The following EPB41L3 variants were observed in gnomAD, a reference collection of about 807,000 sequenced individuals.
EPB41L3 encodes band 4.1-like protein 3.
Under a neutral mutation model 127.1 loss-of-function variants are expected in EPB41L3, and 57 were observed. The ratio of observed to expected loss-of-function variants is 0.45; its 90% CI spans 0.36 to 0.56. The LOEUF is 0.56. Ranked by LOEUF, EPB41L3 falls within the 20% of genes least tolerant of loss-of-function variation. The probability of loss-of-function intolerance (pLI) is 0.00; values close to 1 mark genes in which losing one functional copy is unlikely to be tolerated. For synonymous variants in EPB41L3, 572 were observed against 549.5 expected (o/e 1.04, Z -0.57); for missense variants, 1,273 against 1,372.2 (o/e 0.93, Z 1.14).
At chr18:5,512,857 G>C (rs1230095394) in intron 1 of EPB41L3, among the ~76,000 whole-genome samples, 1 of 152,092 alleles carries the variant, frequency 6.6e-6, no homozygotes, top group African/African-American at 2.4e-5. Flanking sequence ...GTAGACTTAG[G>C]ATAAATCCTC....
intron 3 of EPB41L3, among the ~76,000 whole-genome samples, chr18:5,579,949 T>G (rs188975348): frequency 6.6e-6 from 1 of 152,282 alleles, no homozygotes; most frequent in East Asian, 1.9e-4. Flanking sequence ...TTTATCAACA[T>G]TTTAAAATAT....
intron 3 of EPB41L3, chr18:5,570,751 C>T (rs1048184476): frequency 2.0e-5 from 3 of 152,162 alleles, no homozygotes; most frequent in African/African-American, 7.2e-5. Context: ...ATCCCTCCCC[C>T]ACTCCCCATT....
rs1304562455 is a variant in EPB41L3, at chr18:5,603,139, T to C, written c.-306+9201A>G. ...TTAATACTTTGAAAGGGAGACTTAATGTCTTATTCATCAGGACTGTTATCA... is the reference window on the plus strand; with the variant it reads ...TTAATACTTTGAAAGGGAGACTTAACGTCTTATTCATCAGGACTGTTATCA... On this transcript the variant is annotated intron_variant, in intron 3 of 21. Transcript: ENST00000545076. Among the ~76,000 whole-genome samples the C allele has an allele frequency of 2.6e-5, 4 of 152,216 alleles. No individual in the cohort carries two copies. The East Asian group carries it at 5.8e-4, about 22-fold the overall frequency.
chr18:5,592,422 C>A (rs1019170004), intron 3 of EPB41L3, among the ~76,000 whole-genome samples: 3 of 152,190 alleles, frequency 2.0e-5, no homozygotes, highest in African/African-American at 7.2e-5. Flanking sequence ...GCCTTGGCTT[C>A]CCAAAGTGCT....
chr18:5,580,601 A>C (rs1034088655), intron 3 of EPB41L3, among the ~76,000 whole-genome samples: 1 of 152,170 alleles, frequency 6.6e-6, no homozygotes, highest in Non-Finnish European at 1.5e-5. Context: ...CATTAGTATC[A>C]ACACATATTC....
At chr18:5,567,665 G>GAA (rs2094224962) in intron 3 of EPB41L3, among the ~76,000 whole-genome samples, 1 of 152,018 alleles carries the variant, frequency 6.6e-6, no homozygotes, top group Admixed American at 6.6e-5. Flanking sequence ...AGGAAGGAAG[G>GAA]GAGGGGTTGC....
At chr18:5,398,872 G>T (rs545590823) in intron 16 of EPB41L3, 14 of 399,200 alleles carry the variant, frequency 3.5e-5, no homozygotes, top group Non-Finnish European at 6.2e-5. Flanking sequence ...GCCTTCTTGA[G>T]GTCATCTTCT....
At chr18:5,475,906 T>A (rs1415693627) in intron 3 of EPB41L3, among the ~76,000 whole-genome samples, 3 of 152,074 alleles carry the variant, frequency 2.0e-5, no homozygotes, top group African/African-American at 7.2e-5. Flanking sequence ...ACAGATTCAG[T>A]TTCAAGGAGA....
intron 3 of EPB41L3, among the ~76,000 whole-genome samples, chr18:5,469,433 C>T (rs917602944): frequency 6.6e-6 from 1 of 152,112 alleles, no homozygotes; most frequent in Non-Finnish European, 1.5e-5. Flanking sequence ...GTCTGCCCCG[C>T]CATAGCAGCC....
intron 6 of EPB41L3, among the ~76,000 whole-genome samples, chr18:5,434,903 C>G (rs72866876): frequency 0.14 from 20,578 of 152,184 alleles, 1,517 homozygotes; most frequent in Admixed American, 0.17. Flanking sequence ...CACTGTTATC[C>G]TAGGAGATGA....
Position 5,621,851 on chromosome 18 carries a change from AT to A in EPB41L3, c.-468+7070del, listed in dbSNP as rs1446018326. ...ATGATCAATGTAGATCACTTCAAGA[AT>A]AAAAAGTATAAATTAATTTCTCATG... On this transcript the variant is annotated intron_variant, in intron 1 of 21. Coordinates refer to the EPB41L3 transcript ENST00000545076. 5.9e-5 allele frequency among the ~76,000 whole-genome samples: 9 copies of A among 152,052 alleles called. No individual in the cohort carries two copies. The East Asian group carries it at 1.7e-3, about 29-fold the overall frequency.
chr18:5,531,950 C>T (rs746861972), intron 1 of EPB41L3, among the ~76,000 whole-genome samples: 1 of 151,940 alleles, frequency 6.6e-6, no homozygotes, highest in Non-Finnish European at 1.5e-5. Context: ...CAAGGAAAGG[C>T]AAGGTACAAG....
intron 3 of EPB41L3, chr18:5,610,203 A>C: frequency 1.0e-6 from 1 of 985,438 alleles, no homozygotes; most frequent in African/African-American, 1.7e-5. Context: ...TGGCAGGTCC[A>C]TATTCCATGT....
Position 5,585,575 on chromosome 18 carries a change from T to G in EPB41L3, c.-306+26765A>C, listed in dbSNP as rs2094435059. Among the ~76,000 whole-genome samples, 3 of 152,228 alleles carry G rather than the reference T, an allele frequency of 2.0e-5. No individual in the cohort carries two copies. The South Asian group carries it at 6.2e-4, about 32-fold the overall frequency. On this transcript the variant is annotated intron_variant, in intron 3 of 21. Transcript: ENST00000545076. ...GTCCAGATCTATTTAAAAGATTCTA[T>G]TGAATGCTGCTCTTCTGAACGTGTT...
Position 5,484,532 on chromosome 18 carries a change from C to T in EPB41L3, c.183+4469G>A, listed in dbSNP as rs191861354. On this transcript the variant is annotated intron_variant, in intron 2 of 22. Transcript: ENST00000341928. The stretch of plus-strand genomic sequence containing the variant: ...ATGAAATTGAGATAAAAAAAAAATA[C>T]AGAAGATCAACAAAACAATGAGTTG... 2.3e-3 allele frequency among the ~76,000 whole-genome samples: 345 copies of T among 147,454 alleles called. 2 individuals carry two copies. The highest frequency in any genetic ancestry group is 8.2e-3 in the African/African-American group (323 of 39,220).
intron 3 of EPB41L3, among the ~76,000 whole-genome samples, chr18:5,574,167 T>C (rs1314031479): frequency 6.6e-6 from 1 of 152,098 alleles, no homozygotes; most frequent in African/African-American, 2.4e-5. Flanking sequence ...ATTTCTCTAA[T>C]CATATAATTT....
At chr18:5,609,005 C>T (rs2094695297) in intron 3 of EPB41L3, among the ~76,000 whole-genome samples, 1 of 152,164 alleles carries the variant, frequency 6.6e-6, no homozygotes, top group Non-Finnish European at 1.5e-5. Flanking sequence ...CTTACAAACA[C>T]CAATGCCAAA....
intron 3 of EPB41L3, among the ~76,000 whole-genome samples, chr18:5,474,847 A>C (rs1235809759): frequency 6.6e-6 from 1 of 152,156 alleles, no homozygotes; most frequent in Non-Finnish European, 1.5e-5. Context: ...GCAGCATCTG[A>C]GGAATCAGTG....
chr18:5,590,061 C>T (rs910962132), intron 3 of EPB41L3, among the ~76,000 whole-genome samples: 1 of 152,092 alleles, frequency 6.6e-6, no homozygotes, highest in Non-Finnish European at 1.5e-5. Flanking sequence ...CATTTATTTT[C>T]CACTGAGGGC....
Sources: allele counts gnomAD v4.1 joint callset (sites outside exome capture counted in the v4.1 genomes callset), GRCh38; gene constraint gnomAD v4.1.1; transcripts MANE v1.5; gene names NCBI Gene and HGNC (gene_info 2026-07-23, HGNC 2026-07-21).